The following SLC60A1 variants were observed in gnomAD, a reference collection of about 807,000 sequenced individuals.
SLC60A1 encodes major facilitator superfamily domain containing 4.
chr1:205,597,373 GTTTT>G, the SLC60A1 span, among the ~76,000 whole-genome samples: 7 of 37,228 alleles, frequency 1.9e-4, no homozygotes, highest in Non-Finnish European at 2.8e-4. Context: ...AACCTAGGTT[GTTTT>G]TTTTTTTTTT....
the SLC60A1 span, among the ~76,000 whole-genome samples, chr1:205,569,456 C>T: frequency 6.7e-6 from 1 of 148,620 alleles, no homozygotes; most frequent in Admixed American, 6.7e-5. Context: ...CTCCCAGCTC[C>T]ATCTTGGCCG....
At chr1:205,579,150 C>T in the SLC60A1 span, among the ~76,000 whole-genome samples, 1 of 152,200 alleles carries the variant, frequency 6.6e-6, no homozygotes, top group Non-Finnish European at 1.5e-5. Context: ...AGGCACAGAG[C>T]CTGCGACCTC....
the SLC60A1 span, chr1:205,599,310 G>GGGGAGCT: frequency 4.4e-6 from 7 of 1,599,370 alleles, no homozygotes; most frequent in Non-Finnish European, 6.0e-6. Context: ...GTCGGGGAGC[G>GGGGAGCT]GGGGAGCAGG....
At chr1:205,592,570 TC>T in the SLC60A1 span, among the ~76,000 whole-genome samples, 1 of 151,834 alleles carries the variant, frequency 6.6e-6, no homozygotes, top group Non-Finnish European at 1.5e-5. Flanking sequence ...TGTGTGATGT[TC>T]CCCTGTGCTC....
At chr1:205,589,326 G>A in the SLC60A1 span, among the ~76,000 whole-genome samples, 1 of 152,188 alleles carries the variant, frequency 6.6e-6, no homozygotes, top group Non-Finnish European at 1.5e-5. Context: ...GCTAACTTGG[G>A]GGGAGCACGG....
the SLC60A1 span, among the ~76,000 whole-genome samples, chr1:205,581,879 C>T: frequency 6.6e-6 from 1 of 152,212 alleles, no homozygotes; most frequent in African/African-American, 2.4e-5. The surrounding 1 kb of genome is among the most constrained non-coding windows in gnomAD (Gnocchi z 4.2). Flanking sequence ...TTCCAGTGAG[C>T]AGCAGGGCAA....
At chr1:205,576,535 C>T in the SLC60A1 span, among the ~76,000 whole-genome samples, 2 of 152,180 alleles carry the variant, frequency 1.3e-5, no homozygotes, top group Non-Finnish European at 2.9e-5. Context: ...GGGCCTAGAA[C>T]CCAGTATTCT....
At chr1:205,578,451 T>G in the SLC60A1 span, among the ~76,000 whole-genome samples, 8 of 152,172 alleles carry the variant, frequency 5.3e-5, no homozygotes, top group Non-Finnish European at 1.0e-4. Flanking sequence ...TCCTCCCCCA[T>G]GAGTTCTGAG....
chr1:205,581,031 T>C, the SLC60A1 span: 1 of 1,396,228 alleles, frequency 7.2e-7, no homozygotes, highest in Non-Finnish European at 9.6e-7. This position sits in a 1 kb window ranked among gnomAD's most constrained non-coding sequence, Gnocchi z 4.2. Flanking sequence ...GTGCTGGGGC[T>C]GAGGTGTGCA....
At chr1:205,575,915 T>C in the SLC60A1 span, among the ~76,000 whole-genome samples, 1 of 152,146 alleles carries the variant, frequency 6.6e-6, no homozygotes, top group East Asian at 1.9e-4. Context: ...GGAAGACCAA[T>C]GCCACTCTGC....
chr1:205,579,914 A>T, the SLC60A1 span: 1 of 1,614,088 alleles, frequency 6.2e-7, no homozygotes, highest in Non-Finnish European at 8.5e-7. Context: ...GCAGCTGGTA[A>T]GGATGTACCA....
chr1:205,581,264 G>A, the SLC60A1 span, among the ~76,000 whole-genome samples: 5 of 152,244 alleles, frequency 3.3e-5, no homozygotes, highest in African/African-American at 1.2e-4. The surrounding 1 kb of genome is among the most constrained non-coding windows in gnomAD (Gnocchi z 4.2). Flanking sequence ...CCGGCAGGAA[G>A]TGGAAGGTTT....
the SLC60A1 span, among the ~76,000 whole-genome samples, chr1:205,597,381 T>TTG: frequency 7.6e-3 from 822 of 107,586 alleles, 41 homozygotes; most frequent in Non-Finnish European, 0.011. Flanking sequence ...TTGTTTTTTT[T>TTG]TTTTTTTTTT....
chr1:205,572,892 T>C, the SLC60A1 span, among the ~76,000 whole-genome samples: 413 of 152,316 alleles, frequency 2.7e-3, 1 homozygote, highest in African/African-American at 9.6e-3. Context: ...TGGATGTTCA[T>C]AGCAGCATTA....
At chr1:205,598,921 C>T in the SLC60A1 span, 1 of 616,788 alleles carries the variant, frequency 1.6e-6, no homozygotes, top group South Asian at 2.0e-5. Flanking sequence ...CAGGTCCAGT[C>T]CCTGCCTTAG....
the SLC60A1 span, chr1:205,600,554 C>A: frequency 8.2e-7 from 1 of 1,218,254 alleles, no homozygotes. Context: ...TGGAGGCGCT[C>A]TCTCAATGGC....
chr1:205,600,190 A>G, the SLC60A1 span: 1 of 514,266 alleles, frequency 1.9e-6, no homozygotes, highest in African/African-American at 1.9e-5. Flanking sequence ...TATTCATGGG[A>G]GACAGACACA....
chr1:205,576,455 G>A, the SLC60A1 span, among the ~76,000 whole-genome samples: 1 of 152,174 alleles, frequency 6.6e-6, no homozygotes, highest in Admixed American at 6.5e-5. Flanking sequence ...TACAGCAGAG[G>A]AAACTGAGGC....
the SLC60A1 span, among the ~76,000 whole-genome samples, chr1:205,592,550 C>T: frequency 6.6e-6 from 1 of 151,862 alleles, no homozygotes; most frequent in African/African-American, 2.4e-5. Context: ...CACCCCACAA[C>T]TGTCCCAGGT....
Sources: allele counts gnomAD v4.1 joint callset (sites outside exome capture counted in the v4.1 genomes callset), GRCh38; gene constraint gnomAD v4.1.1; non-coding constraint Gnocchi (gnomAD v3.1); transcripts MANE v1.5; gene names NCBI Gene and HGNC (gene_info 2026-07-23, HGNC 2026-07-21).